The following TRIM63 variants were observed in gnomAD, a reference collection of about 807,000 sequenced individuals.
TRIM63 encodes the protein E3 ubiquitin-protein ligase TRIM63.
In TRIM63, 48 loss-of-function variants were observed where a neutral mutation model predicts 46.0. The ratio of observed to expected loss-of-function variants is 1.04; its 90% CI spans 0.83 to 1.33. The LOEUF (loss-of-function observed/expected upper bound fraction) is 1.33, where lower values mean the gene tolerates loss of function less well. Ranked by LOEUF, TRIM63 falls within the 40% of genes most tolerant of loss-of-function variation. The pLI is 0.00. For missense variants in TRIM63, 455 were observed against 441.2 expected (o/e 1.03, Z -0.28); for synonymous variants, 175 against 162.8 (o/e 1.08, Z -0.57).
Position 26,057,314 on chromosome 1 carries a change from A to C in TRIM63, c.868T>G (p.Ser290Ala). 1 of 1,614,094 alleles carries C rather than the reference A, an allele frequency of 6.2e-7. No individual in the cohort carries two copies. Among genetic ancestry groups the C allele is most frequent in the Non-Finnish European group, 8.5e-7 (1 of 1,180,004 alleles). The part of the protein sequence containing the change: ...KQLIKSIVEA[S>A]KGCQLGKTEQ... Reference sequence around the variant, plus strand: ...GTCTTCCCCAGCTGGCAGCCCTTGGAAGCTTCCACAATGCTGCAGGGGAGA... The same window carrying C: ...GTCTTCCCCAGCTGGCAGCCCTTGGCAGCTTCCACAATGCTGCAGGGGAGA... Residue 290 changes from serine to alanine, a missense_variant, in exon 7 of 9, where the codon TCC (serine) becomes GCC (alanine). By Grantham distance (99) the Ser-to-Ala change is moderately conservative. Coordinates refer to ENST00000374272, the MANE Select transcript of TRIM63 (RefSeq NM_032588.4).
intron 2 of TRIM63, among the ~76,000 whole-genome samples, chr1:26,062,138 C>A (rs2050631563): frequency 6.6e-6 from 1 of 151,952 alleles, no homozygotes; most frequent in Non-Finnish European, 1.5e-5. Flanking sequence ...GGCATGGTGG[C>A]ATGCACCTGT....
At chr1:26,058,758 A>G in intron 4 of TRIM63, 135 bp from the exon 5 acceptor site, 1 of 698,384 alleles carries the variant, frequency 1.4e-6, no homozygotes. Context: ...CTACAGAAGA[A>G]GAAACAAAGA....
intron 8 of TRIM63, among the ~76,000 whole-genome samples, chr1:26,053,015 C>G (rs912070130): frequency 6.6e-6 from 1 of 152,194 alleles, no homozygotes; most frequent in Admixed American, 6.5e-5. Flanking sequence ...GCAATCATAG[C>G]TCACTGCAGC....
chr1:26,053,882 G>T lies in TRIM63; in HGVS notation c.1051+11C>A, dbSNP rs2124435195. 2 of 1,581,574 alleles carry T rather than the reference G, an allele frequency of 1.3e-6. No homozygotes were observed. The highest frequency in any genetic ancestry group is 2.3e-5 in the East Asian group (1 of 44,262). Reference sequence around the variant, plus strand: ...AAGGAACGAAGGAATGGAGGTAGATGAATTTCTTACCTTCTTCCTTCCCTT... The same window carrying T: ...AAGGAACGAAGGAATGGAGGTAGATTAATTTCTTACCTTCTTCCTTCCCTT... On this transcript the variant is annotated intron_variant, in intron 8 of 8. Coordinates refer to ENST00000374272, the MANE Select transcript of TRIM63 (RefSeq NM_032588.4).
chr1:26,064,643 T>G (rs1227520837), intron 2 of TRIM63, among the ~76,000 whole-genome samples: 1 of 152,092 alleles, frequency 6.6e-6, no homozygotes, highest in East Asian at 1.9e-4. Context: ...CTGCACACAA[T>G]AGGTACCCAA....
At chr1:26,064,006 C>G (rs973227711) in intron 2 of TRIM63, among the ~76,000 whole-genome samples, 1 of 152,210 alleles carries the variant, frequency 6.6e-6, no homozygotes, top group African/African-American at 2.4e-5. Context: ...TAAGAATATT[C>G]ACCGGCCGGC....
chr1:26,064,997 A>G (rs1408066807), intron 2 of TRIM63, among the ~76,000 whole-genome samples: 2 of 151,080 alleles, frequency 1.3e-5, no homozygotes, highest in Non-Finnish European at 2.9e-5. Context: ...GTCTCTCCCA[A>G]ATTTTTGTGT....
intron 5 of TRIM63, 90 bp downstream of exon 5, chr1:26,058,300 G>T: frequency 4.3e-6 from 5 of 1,157,972 alleles, no homozygotes; most frequent in Non-Finnish European, 6.3e-6. Context: ...TTTTCCAAGG[G>T]CCCATGGGTG....
chr1:26,066,426 G>C lies in TRIM63; in HGVS notation c.174C>G (p.Tyr58Ter). The C allele has an allele frequency of 6.3e-7, 1 of 1,590,042 alleles. No homozygotes were observed. Among genetic ancestry groups the C allele is most frequent in the South Asian group, 1.1e-5 (1 of 88,224 alleles). Reference protein sequence around the residue: ...ANDIFQAANPYWTSRGSSVSM... With the variant: ...ANDIFQAANP ...ACACTGAGCTGCCCCGGCTGGTCCA[G>C]TAGGGATTTGCAGCCTGCAGGTGGC... The change falls in exon 2 of 9, where the codon TAC (tyrosine) becomes TAG (stop). Residue 58 changes from tyrosine (Y) to a stop codon, truncating the protein, a stop_gained. Coordinates refer to ENST00000374272, the MANE Select transcript of TRIM63 (RefSeq NM_032588.4). LOFTEE classifies it high-confidence loss of function.
intron 5 of TRIM63, 94 bp from the exon 6 acceptor site, chr1:26,057,744 T>C: frequency 1.5e-6 from 2 of 1,341,494 alleles, no homozygotes; most frequent in East Asian, 2.4e-5. Context: ...TAGGTAGATA[T>C]TTGGTGCCAT....
chr1:26,052,908 C>T (rs2050535225), intron 8 of TRIM63, among the ~76,000 whole-genome samples: 1 of 151,988 alleles, frequency 6.6e-6, no homozygotes, highest in Non-Finnish European at 1.5e-5. Context: ...TTTTCTTAAC[C>T]CTTAAAAAAA....
At chr1:26,062,653 C>T (rs2050636625) in intron 2 of TRIM63, among the ~76,000 whole-genome samples, 1 of 152,226 alleles carries the variant, frequency 6.6e-6, no homozygotes. Context: ...ACTTTCTCCC[C>T]TAACACATAT....
rs776902898 is a variant in TRIM63, at chr1:26,055,511, C to CT, written c.980-1548dup. ...CCCACTCTTGAATATCTATTTCTTT[C>CT]TTTTTTTTTTTTTTTTGAGATGGAG... On this transcript the variant is annotated intron_variant, in intron 7 of 8. Coordinates refer to ENST00000374272, the MANE Select transcript of TRIM63 (RefSeq NM_032588.4). Among the ~76,000 whole-genome samples the CT allele has an allele frequency of 4.1e-3, 561 of 137,886 alleles. 4 individuals carry two copies. The highest frequency in any genetic ancestry group is 9.2e-3 in the African/African-American group (349 of 37,890). The allele number at this position is 137,886 out of a possible 152,430, so 90.5% of individuals were successfully genotyped here.
chr1:26,060,241 A>G, intron 4 of TRIM63, 25 bp downstream of exon 4: 1 of 1,604,078 alleles, frequency 6.2e-7, no homozygotes, highest in Non-Finnish European at 8.5e-7. Context: ...CCAAATCCCC[A>G]GGCAGGACTA....
chr1:26,066,572 CTG>C (rs1322775728), intron 1 of TRIM63, 132 bp from the exon 2 acceptor site: 1 of 791,692 alleles, frequency 1.3e-6, no homozygotes, highest in Non-Finnish European at 1.9e-6. Flanking sequence ...GCTCTGCAGA[CTG>C]TGATGAGAAC....
intron 7 of TRIM63, among the ~76,000 whole-genome samples, chr1:26,056,250 T>C (rs1314546606): frequency 6.6e-6 from 1 of 152,248 alleles, no homozygotes; most frequent in Non-Finnish European, 1.5e-5. Context: ...TTTCCTTTGT[T>C]ATTTTCACCC....
chr1:26,053,951 T>C lies in TRIM63; in HGVS notation c.993A>G (p.Glu331=), dbSNP rs768136574. 6.3e-7 allele frequency: 1 copy of C among 1,588,852 alleles called. No homozygotes were observed. Among genetic ancestry groups the C allele is most frequent in the Non-Finnish European group, 8.5e-7 (1 of 1,172,190 alleles). The change falls in exon 8 of 9, where the codon GAA becomes GAG. Residue 331 remains glutamate, a synonymous_variant. Coordinates refer to ENST00000374272, the MANE Select transcript of TRIM63 (RefSeq NM_032588.4). ...CCTGATCTTCTTCTTCAATGAATTCTTCCTCTTCCTCATCTGTGACAAAAA... is the reference window on the plus strand; with the variant it reads ...CCTGATCTTCTTCTTCAATGAATTCCTCCTCTTCCTCATCTGTGACAAAAA... The part of the protein sequence containing the change: ...AIDFGTDEEE[E]EFIEEEDQEE...
At chr1:26,054,600 G>C (rs1321420935) in intron 7 of TRIM63, among the ~76,000 whole-genome samples, 3 of 152,016 alleles carry the variant, frequency 2.0e-5, no homozygotes, top group Non-Finnish European at 4.4e-5. Flanking sequence ...TCCCTTCCCC[G>C]CTCCTCTCCC....
intron 4 of TRIM63, 33 bp from the exon 5 acceptor site, chr1:26,058,656 A>G: frequency 6.3e-7 from 1 of 1,595,540 alleles, no homozygotes; most frequent in Non-Finnish European, 8.6e-7. Context: ...CACGTTCTGT[A>G]GGGTCTTTAT....
Sources: gnomAD v4.1 joint callset for allele counts (sites outside exome capture counted in the v4.1 genomes callset) on GRCh38, gnomAD v4.1.1 for gene constraint, MANE v1.5 for transcripts, NCBI Gene and HGNC (gene_info 2026-07-23, HGNC 2026-07-21) for gene names.